Variants in RGS7 observed in about 807,000 individuals in gnomAD.
RGS7 encodes regulator of G protein signaling 7.
RGS7 carries 27 observed loss-of-function variants against 81.1 expected under a neutral mutation model. The ratio of observed to expected loss-of-function variants is 0.33; its 90% CI spans 0.25 to 0.46. The LOEUF (loss-of-function observed/expected upper bound fraction) is 0.46, where lower values mean the gene tolerates loss of function less well. Ranked by LOEUF, RGS7 falls within the 20% of genes least tolerant of loss-of-function variation. RGS7 has a pLI of 1.00. For missense variants in RGS7, 396 were observed against 607.4 expected, an observed-to-expected ratio of 0.65 and a Z score of 3.66; for synonymous variants, 208 against 207.7, an observed-to-expected ratio of 1.00 and a Z score of -0.01.
chr1:241,130,944 A>AAAAAAAAAAAAAAAAAC (rs1491202997), intron 2 of RGS7, among the ~76,000 whole-genome samples: 1 of 150,134 alleles, frequency 6.7e-6, no homozygotes, highest in African/African-American at 2.5e-5. Context: ...AAAAAAAAAA[A>AAAAAAAAAAAAAAAAAC]ACCAAGAGGC....
At chr1:241,073,329 T>C (rs982398226) in intron 3 of RGS7, among the ~76,000 whole-genome samples, 1 of 152,186 alleles carries the variant, frequency 6.6e-6, no homozygotes, top group Admixed American at 6.5e-5. Flanking sequence ...CCATCTGTAA[T>C]GATAAATTCC....
chr1:240,956,095 A>G (rs1194612023), intron 4 of RGS7, among the ~76,000 whole-genome samples: 1 of 152,184 alleles, frequency 6.6e-6, no homozygotes, highest in Non-Finnish European at 1.5e-5. Flanking sequence ...ATACATACGT[A>G]TTTCATTCTT....
At chr1:240,877,590 A>T (rs894038132) in intron 6 of RGS7, among the ~76,000 whole-genome samples, 4 of 152,148 alleles carry the variant, frequency 2.6e-5, no homozygotes, top group Admixed American at 6.5e-5. Flanking sequence ...AATATTTTTT[A>T]AAAAATTATT....
At chr1:241,256,960 CACGT>C (rs1304568796) in intron 2 of RGS7, among the ~76,000 whole-genome samples, 6 of 139,012 alleles carry the variant, frequency 4.3e-5, no homozygotes, top group East Asian at 2.1e-4. Flanking sequence ...CACACACACA[CACGT>C]GTGTGTATCT....
intron 9 of RGS7, among the ~76,000 whole-genome samples, chr1:240,843,283 T>G (rs548490771): frequency 2.2e-4 from 34 of 152,162 alleles, no homozygotes; most frequent in African/African-American, 7.7e-4. Context: ...TCTTTTTTTT[T>G]GGGACAGGGT....
intron 13 of RGS7, 139 bp from the exon 14 acceptor site, chr1:240,812,182 A>C: frequency 1.2e-6 from 1 of 827,456 alleles, no homozygotes; most frequent in Non-Finnish European, 2.0e-6. Flanking sequence ...ATATCCGATT[A>C]ACGGCTCTGC....
At chr1:240,786,830 T>C (rs1685158652) in intron 18 of RGS7, among the ~76,000 whole-genome samples, 1 of 152,236 alleles carries the variant, frequency 6.6e-6, no homozygotes, top group African/African-American at 2.4e-5. Context: ...TATGTCTTGA[T>C]ACAGTTAAGA....
intron 3 of RGS7, among the ~76,000 whole-genome samples, chr1:241,038,661 G>C (rs2060450665): frequency 6.6e-6 from 1 of 152,284 alleles, no homozygotes; most frequent in South Asian, 2.1e-4. Context: ...ACAACACTTA[G>C]GTCTGCCAAT....
chr1:241,121,547 T>C (rs987905706), intron 2 of RGS7, among the ~76,000 whole-genome samples: 1 of 152,096 alleles, frequency 6.6e-6, no homozygotes, highest in Non-Finnish European at 1.5e-5. Flanking sequence ...GGTTCCAGGA[T>C]AATATGTCTG....
At chr1:241,269,009 A>T (rs147026046) in intron 2 of RGS7, among the ~76,000 whole-genome samples, 1,692 of 152,298 alleles carry the variant, frequency 0.011, 12 homozygotes, top group Middle Eastern at 0.041. Context: ...TTCCTCATTT[A>T]TTGGTTTAGT....
At chr1:240,935,058 T>G (rs1165312948) in intron 5 of RGS7, among the ~76,000 whole-genome samples, 1 of 130,726 alleles carries the variant, frequency 7.6e-6, no homozygotes, top group Non-Finnish European at 1.7e-5. Context: ...CCAGCTAATT[T>G]TTTTTGTTTG....
At chr1:241,325,486 T>C (rs1288340505) in intron 2 of RGS7, among the ~76,000 whole-genome samples, 3 of 152,186 alleles carry the variant, frequency 2.0e-5, no homozygotes, top group African/African-American at 7.2e-5. Context: ...ATATTGATGA[T>C]ATGAGAGGCA....
chr1:241,109,725 A>C (rs973975695), intron 2 of RGS7, among the ~76,000 whole-genome samples: 6 of 152,086 alleles, frequency 3.9e-5, no homozygotes, highest in Non-Finnish European at 8.8e-5. Flanking sequence ...TGGGAGGCTG[A>C]GGCAGGTGGA....
At chr1:241,191,817 A>G (rs1483897912) in intron 2 of RGS7, among the ~76,000 whole-genome samples, 1 of 152,160 alleles carries the variant, frequency 6.6e-6, no homozygotes, top group Non-Finnish European at 1.5e-5. Flanking sequence ...ATGTTGGTTT[A>G]CTTGTAATTT....
intron 3 of RGS7, among the ~76,000 whole-genome samples, chr1:241,027,658 G>C (rs1215100041): frequency 2.0e-5 from 3 of 152,104 alleles, no homozygotes; most frequent in Non-Finnish European, 4.4e-5. Flanking sequence ...TGGGTGAAGC[G>C]AGGGAAAGAG....
chr1:241,190,882 G>T (rs2072590895), intron 2 of RGS7, among the ~76,000 whole-genome samples: 2 of 152,104 alleles, frequency 1.3e-5, no homozygotes, highest in African/African-American at 4.8e-5. Context: ...CTAATTGAAG[G>T]GAAAAAGCTT....
At chr1:241,082,935 T>C (rs1203984579) in intron 3 of RGS7, among the ~76,000 whole-genome samples, 1 of 151,778 alleles carries the variant, frequency 6.6e-6, no homozygotes, top group Admixed American at 6.6e-5. Context: ...AGAAAAAGAA[T>C]TATATTAGGC....
At chr1:241,073,680 T>C (rs910390222) in intron 3 of RGS7, among the ~76,000 whole-genome samples, 5 of 152,160 alleles carry the variant, frequency 3.3e-5, no homozygotes, top group African/African-American at 9.7e-5. Flanking sequence ...GTCCTAGTCT[T>C]TCCAGGGTCT....
At chr1:241,075,699 C>T (rs1160757378) in intron 3 of RGS7, among the ~76,000 whole-genome samples, 1 of 152,120 alleles carries the variant, frequency 6.6e-6, no homozygotes, top group Non-Finnish European at 1.5e-5. Flanking sequence ...GCCTGTGGGC[C>T]ATGGGTTGGA....
Sources: gnomAD v4.1 joint callset for allele counts (sites outside exome capture counted in the v4.1 genomes callset) on GRCh38, gnomAD v4.1.1 for gene constraint, MANE v1.5 for transcripts, NCBI Gene and HGNC (gene_info 2026-07-23, HGNC 2026-07-21) for gene names.